Variants in SNAPC4 observed in about 807,000 individuals in gnomAD.
SNAPC4 encodes snRNA-activating protein complex subunit 4.
Under a neutral mutation model 151.3 loss-of-function variants are expected in SNAPC4, and 127 were observed. That is an observed-to-expected ratio of 0.84 (90% confidence interval 0.73 to 0.97). The LOEUF is 0.97. Ranked by LOEUF, SNAPC4 falls within the 50% of genes least tolerant of loss-of-function variation. The pLI is 0.00. For synonymous variants in SNAPC4, 1,002 were observed against 824.4 expected, an observed-to-expected ratio of 1.22 and a Z score of -3.69; for missense variants, 2,186 against 1,935.0, an observed-to-expected ratio of 1.13 and a Z score of -2.43.
rs528131811 is a variant in SNAPC4, at chr9:136,395,966, C to A, written c.178-196G>T. ...GTTTGGGAGTGGAGCCTGTCACTCT[C>A]AAGGCGGCCTGTGTGCGCCTTTCCT... On this transcript the variant is annotated intron_variant, in intron 3 of 23. Coordinates refer to ENST00000684778, the MANE Select transcript of SNAPC4 (RefSeq NM_003086.4). 2.0e-5 allele frequency among the ~76,000 whole-genome samples: 3 copies of A among 152,350 alleles called. No homozygotes were observed. The East Asian group carries it at 5.8e-4, about 29-fold the overall frequency.
At chr9:136,380,654 G>C (rs1833653886) in intron 20 of SNAPC4, 86 bp downstream of exon 20, 2 of 734,842 alleles carry the variant, frequency 2.7e-6, no homozygotes, top group African/African-American at 3.4e-5. Context: ...GAGCGGGTGG[G>C]GCGGGCAGCC....
chr9:136,387,886 GAC>G (rs1564388438), intron 11 of SNAPC4, 38 bp from the exon 12 acceptor site: 1 of 1,140,770 alleles, frequency 8.8e-7, no homozygotes, highest in Non-Finnish European at 1.3e-6. Context: ...GTGGGGCCGA[GAC>G]ACACACCCTC....
At chr9:136,389,960 G>A (rs1265223976) in intron 10 of SNAPC4, among the ~76,000 whole-genome samples, 3 of 152,196 alleles carry the variant, frequency 2.0e-5, no homozygotes, top group Non-Finnish European at 4.4e-5. Flanking sequence ...GATATTAACA[G>A]AGAAGCATGT....
At chr9:136,387,357 G>A (rs530682907) in intron 13 of SNAPC4, 128 bp downstream of exon 13, 25 of 747,088 alleles carry the variant, frequency 3.3e-5, no homozygotes, top group African/African-American at 2.7e-4. Context: ...CCTGGTCAGC[G>A]ACCCACACGG....
At chr9:136,377,264 G>A (rs1319784903) in intron 22 of SNAPC4, among the ~76,000 whole-genome samples, 1 of 152,206 alleles carries the variant, frequency 6.6e-6, no homozygotes, top group Non-Finnish European at 1.5e-5. Flanking sequence ...GCTCAGACAA[G>A]GCCACCTGGC....
intron 6 of SNAPC4, 123 bp downstream of exon 6, chr9:136,394,677 C>T (rs1245581704): frequency 2.3e-6 from 2 of 852,604 alleles, no homozygotes; most frequent in Non-Finnish European, 3.8e-6. Context: ...TGGTCAAGGC[C>T]TGAAGGAGCC....
chr9:136,381,636 A>C (rs750393752), intron 18 of SNAPC4, among the ~76,000 whole-genome samples, 188 bp downstream of exon 18: 3 of 148,894 alleles, frequency 2.0e-5, no homozygotes, highest in Admixed American at 6.7e-5. Context: ...GTAGGGAGGG[A>C]GGGCTGGCTG....
At position 136,377,200 on chromosome 9, in the gene SNAPC4, T is replaced by TGTGTGTGGC. The variant is rs916881556; in HGVS notation, c.4284+334_4284+342dup. ...CCATGGCCCACCCTGGGAGCACACG[T>TGTGTGTGGC]GTGTGTGGCGTGTGCGGCTCAGAGC... On this transcript the variant is annotated intron_variant, in intron 22 of 23. Coordinates refer to ENST00000684778, the MANE Select transcript of SNAPC4 (RefSeq NM_003086.4). Among the ~76,000 whole-genome samples, 9 of 152,208 alleles carry TGTGTGTGGC rather than the reference T, an allele frequency of 5.9e-5. No individual in the cohort carries two copies. The East Asian group carries it at 1.4e-3, about 23-fold the overall frequency.
At chr9:136,395,028 C>T (rs1304447062) in intron 5 of SNAPC4, 150 bp from the exon 6 acceptor site, 6 of 791,164 alleles carry the variant, frequency 7.6e-6, no homozygotes, top group Non-Finnish European at 1.2e-5. Flanking sequence ...ACCCTGCCGG[C>T]CACTCCATGA....
At position 136,378,146 on chromosome 9, in the gene SNAPC4, C is replaced by T; in HGVS notation, c.3681G>A (p.Gly1227=). The T allele has an allele frequency of 6.2e-7, 1 of 1,609,688 alleles. No homozygotes were observed. The highest frequency in any genetic ancestry group is 8.5e-7 in the Non-Finnish European group (1 of 1,178,966). ...EPRGTPGSPS[G]TQEPRGPLGL... is the part of the protein sequence containing the mutation. ...CCAGAGGCCCCCTGGGCTCCTGTGTCCCTGAGGGGGACCCCGGCGTCCCCC... is the reference window on the plus strand; with the variant it reads ...CCAGAGGCCCCCTGGGCTCCTGTGTTCCTGAGGGGGACCCCGGCGTCCCCC... The change falls in exon 22 of 24, where the codon GGG becomes GGA. Residue 1227 remains glycine (G), a synonymous_variant. Coordinates refer to ENST00000684778, the MANE Select transcript of SNAPC4 (RefSeq NM_003086.4).
In SNAPC4 at chr9:136,378,700, A is replaced by C. The variant is rs1158515052; in HGVS notation, c.3127T>G (p.Phe1043Val). 2.0e-6 allele frequency: 3 copies of C among 1,496,702 alleles called. No homozygotes were observed. The highest frequency in any genetic ancestry group is 4.7e-5 in the East Asian group (2 of 42,124). 92.7% of individuals were successfully genotyped at this position (1,496,702 alleles called of 1,614,324 possible). ...RKQGLPEAPP[F>V]LPAAPSPTPL... ...GTGGGGCTGGGGGCTGCGGGGAGAA[A>C]GGGTGGCGCCTCAGGCAGGCCCTGC... The change falls in exon 22 of 24, where the codon TTT (phenylalanine) becomes GTT (valine). Residue 1043 changes from phenylalanine (F) to valine (V), a missense_variant. Physicochemically the swap from Phe to Val is conservative, Grantham distance 50. Coordinates refer to ENST00000684778, the MANE Select transcript of SNAPC4 (RefSeq NM_003086.4).
chr9:136,394,422 G>T, intron 6 of SNAPC4, 92 bp from the exon 7 acceptor site: 1 of 1,184,866 alleles, frequency 8.4e-7, no homozygotes, highest in Non-Finnish European at 1.3e-6. Context: ...AGGCAGTGGT[G>T]GGGGGCCCCA....
Position 136,383,278 on chromosome 9 carries a change from G to C in SNAPC4, c.1891C>G (p.Pro631Ala), listed in dbSNP as rs148400916. ...GGGACAGGGCCGTGGGCCCTGGCAG[G>C]GACCTGCACCGGACTCGTCTCCTCT... is the stretch of plus-strand genomic sequence containing the variant. ...PGEETSPVQV[P>A]ARAHGPVPRS... is the part of the protein sequence containing the mutation. Residue 631 changes from proline to alanine, a missense_variant, in exon 16 of 24, where the codon CCT (proline) becomes GCT (alanine). Transcript: ENST00000684778. The surrounding 1 kb of genome is among the most constrained non-coding windows in gnomAD (Gnocchi z 4.2). 308 of 1,611,874 alleles carry C rather than the reference G, an allele frequency of 1.9e-4. 4 individuals are homozygous for C. The South Asian group carries it at 3.3e-3, about 17-fold the overall frequency.
chr9:136,383,720 T>G lies in SNAPC4; in HGVS notation c.1501-52A>C, dbSNP rs769506089. 1 of 1,560,262 alleles carries G rather than the reference T, an allele frequency of 6.4e-7. No individual in the cohort carries two copies. The highest frequency in any genetic ancestry group is 8.7e-7 in the Non-Finnish European group (1 of 1,151,352). On this transcript the variant is annotated intron_variant, in intron 15 of 23. Coordinates refer to ENST00000684778, the MANE Select transcript of SNAPC4 (RefSeq NM_003086.4). This position sits in a 1 kb window ranked among gnomAD's most constrained non-coding sequence, Gnocchi z 4.2. ...GGCCTTGGCAAGCCCGGTTCACCCA[T>G]GATGGCAGCAAGCAGGCCAGCCCTT...
At chr9:136,381,275 A>G in intron 19 of SNAPC4, 47 bp downstream of exon 19, 1 of 1,501,186 alleles carries the variant, frequency 6.7e-7, no homozygotes, top group Non-Finnish European at 9.2e-7. Flanking sequence ...TTCACCAAAA[A>G]CTTTTTACAA....
In SNAPC4 at chr9:136,392,753, C is replaced by G. The variant is rs369254673; in HGVS notation, c.657G>C (p.Gln219His). 1 of 1,613,588 alleles carries G rather than the reference C, an allele frequency of 6.2e-7. No individual in the cohort carries two copies. The change falls in exon 8 of 24, where the codon CAG (glutamine) becomes CAC (histidine). Residue 219 changes from glutamine to histidine, a missense_variant. Physicochemically the swap from Gln to His is conservative, Grantham distance 24. Coordinates refer to ENST00000684778, the MANE Select transcript of SNAPC4 (RefSeq NM_003086.4). ...LLKLEYLHQKQSKVSSELERQ... is the reference protein window; with the variant it reads ...LLKLEYLHQKHSKVSSELERQ... ...TCTCCAGCTCACTGGAGACTTTGCT[C>G]TGCTTCTGGTGCAAGTACTCGAGCC...
rs151190383 is a variant in SNAPC4 at position 136,382,010 on chromosome 9, C to T, written c.2131G>A (p.Val711Met). Residue 711 changes from valine (V) to methionine (M), a missense_variant, in exon 18 of 24, where the codon GTG (valine) becomes ATG (methionine). Physicochemically the swap from Val to Met is conservative, Grantham distance 21 (BLOSUM62 1). Coordinates refer to ENST00000684778, the MANE Select transcript of SNAPC4 (RefSeq NM_003086.4). ...SSPGVSSGDS[V>M]ARSHVQWLRH... ...AGCCACTGCACATGGGATCGGGCCA[C>T]GCTGTCACCAGAGCTGACCCCTGGG... 380 of 1,609,228 alleles carry T rather than the reference C, an allele frequency of 2.4e-4. 1 individual carries two copies. The East Asian group carries it at 3.7e-3, about 16-fold the overall frequency.
In SNAPC4 at chr9:136,387,564, C is replaced by A. The variant is rs1490039728; in HGVS notation, c.1246G>T (p.Val416Phe). Residue 416 changes from valine to phenylalanine, a missense_variant, in exon 13 of 24, where the codon GTT becomes TTT. By Grantham distance (50) the Val-to-Phe change is conservative. Coordinates refer to ENST00000684778, the MANE Select transcript of SNAPC4 (RefSeq NM_003086.4). ...PEEDAKLLQA[V>F]AKYGEQDWFK... ...CAATCCTGCTCCCCGTATTTGGCAA[C>A]AGCTTGAAGCAACTTCTGCAGGAAG... is the stretch of plus-strand genomic sequence containing the variant. 1 of 1,613,664 alleles carries A rather than the reference C, an allele frequency of 6.2e-7. No individual in the cohort carries two copies. The highest frequency in any genetic ancestry group is 1.7e-5 in the Admixed American group (1 of 60,024).
rs1564385692 is a variant in SNAPC4 at position 136,384,828 on chromosome 9, G to A, written c.1326-14C>T. On this transcript the variant is annotated splice_polypyrimidine_tract_variant and intron_variant, in intron 13 of 23. Coordinates refer to ENST00000684778, the MANE Select transcript of SNAPC4 (RefSeq NM_003086.4). ...CTCCTGAGATACCTGAACGTGACATGAAAAGCAAAGAACGTTTTAGATGCC... is the reference window on the plus strand; with the variant it reads ...CTCCTGAGATACCTGAACGTGACATAAAAAGCAAAGAACGTTTTAGATGCC... 6.8e-7 allele frequency: 1 copy of A among 1,479,456 alleles called. No individual in the cohort carries two copies. Among genetic ancestry groups the A allele is most frequent in the Non-Finnish European group, 9.3e-7 (1 of 1,078,858 alleles). 91.6% of individuals were successfully genotyped at this position (1,479,456 alleles called of 1,614,324 possible).
Sources: allele counts gnomAD v4.1 joint callset (sites outside exome capture counted in the v4.1 genomes callset), GRCh38; gene constraint gnomAD v4.1.1; non-coding constraint Gnocchi (gnomAD v3.1); transcripts MANE v1.5; gene names NCBI Gene and HGNC (gene_info 2026-07-23, HGNC 2026-07-21).